Variants in CENPK observed in about 807,000 individuals in gnomAD.
CENPK encodes centromere protein K, also known as SoxLZ/Sox6-binding protein Solt.
A neutral mutation model predicts 40.9 loss-of-function variants in CENPK; 46 were observed. That is an observed-to-expected ratio of 1.13 (90% CI 0.89 to 1.44). The LOEUF (loss-of-function observed/expected upper bound fraction) is 1.44, where lower values mean the gene tolerates loss of function less well. Among genes scored for constraint, CENPK ranks in the 40% most tolerant of loss-of-function variants. The probability of loss-of-function intolerance (pLI) is 0.00; values close to 1 mark genes in which losing one functional copy is unlikely to be tolerated. For synonymous variants in CENPK, 107 were observed against 104.4 expected, an observed-to-expected ratio of 1.02 and a Z score of -0.15; for missense variants, 288 against 303.5, an observed-to-expected ratio of 0.95 and a Z score of 0.38.
At chr5:65,531,223 T>TATTAAATA (rs1409532001) in intron 6 of CENPK, among the ~76,000 whole-genome samples, 1 of 151,862 alleles carries the variant, frequency 6.6e-6, no homozygotes, top group African/African-American at 2.4e-5. Context: ...ATATTGATTA[T>TATTAAATA]ATTAAATATG....
At chr5:65,545,535 T>A (rs1325296590) in intron 5 of CENPK, among the ~76,000 whole-genome samples, 1 of 151,952 alleles carries the variant, frequency 6.6e-6, no homozygotes, top group East Asian at 1.9e-4. Context: ...GAAAGAGAAA[T>A]CAAGAAATTC....
chr5:65,551,106 C>T lies in CENPK; in HGVS notation c.241+458G>A, dbSNP rs190566865. The T allele has an allele frequency of 2.0e-5, 7 of 341,610 alleles. No individual in the cohort carries two copies. In the East Asian group the frequency reaches 7.0e-4, roughly 34 times the overall value. 21.2% of individuals were successfully genotyped at this position (341,610 alleles called of 1,614,324 possible). A position where few individuals can be genotyped will look rare whatever the true frequency, so the allele number is the denominator to read the frequency against. On this transcript the variant is annotated intron_variant, in intron 5 of 10. Coordinates refer to ENST00000396679, the MANE Select transcript of CENPK (RefSeq NM_022145.5). Reference sequence around the variant, plus strand: ...AAAAATACAAAAACCAACCACTAACCAAGCATGGTGGCACACACTTGTAGT... The same window carrying T: ...AAAAATACAAAAACCAACCACTAACTAAGCATGGTGGCACACACTTGTAGT...
intron 9 of CENPK, among the ~76,000 whole-genome samples, chr5:65,525,324 C>A (rs1744495848): frequency 6.6e-6 from 1 of 151,724 alleles, no homozygotes; most frequent in Non-Finnish European, 1.5e-5. Context: ...GAAATCTCAG[C>A]TACTGTACTC....
the CENPK span, among the ~76,000 whole-genome samples, chr5:65,500,446 T>C: frequency 2.7e-5 from 4 of 146,978 alleles, no homozygotes; most frequent in Admixed American, 2.8e-4. Flanking sequence ...TTCATGTGTT[T>C]TTTGGCTGCA....
chr5:65,503,654 T>C, the CENPK span, among the ~76,000 whole-genome samples: 26 of 152,056 alleles, frequency 1.7e-4, no homozygotes, highest in African/African-American at 6.0e-4. Flanking sequence ...TTTGTCTACT[T>C]GCTAAACTTT....
chr5:65,502,786 A>C, the CENPK span, among the ~76,000 whole-genome samples: 2 of 151,206 alleles, frequency 1.3e-5, no homozygotes, highest in African/African-American at 2.4e-5. Context: ...AACCAATATA[A>C]ATTTTTAAAT....
chr5:65,523,837 G>C (rs528171766), intron 9 of CENPK, among the ~76,000 whole-genome samples: 51 of 152,176 alleles, frequency 3.4e-4, no homozygotes, highest in African/African-American at 1.2e-3. Flanking sequence ...GATATAGTCA[G>C]AAGCAACAAG....
chr5:65,552,343 C>A (rs1379174275), intron 4 of CENPK, 150 bp downstream of exon 4: 1 of 446,570 alleles, frequency 2.2e-6, no homozygotes, highest in East Asian at 3.5e-5. Context: ...ATTCTTAAAG[C>A]AGGAAGAGTA....
chr5:65,539,923 C>CT (rs1747652964), intron 6 of CENPK, among the ~76,000 whole-genome samples: 1 of 152,198 alleles, frequency 6.6e-6, no homozygotes, highest in Non-Finnish European at 1.5e-5. Flanking sequence ...TGAACACAGT[C>CT]TAAGTATAGG....
chr5:65,502,425 G>A, the CENPK span, among the ~76,000 whole-genome samples: 2 of 152,138 alleles, frequency 1.3e-5, no homozygotes, highest in Non-Finnish European at 2.9e-5. Context: ...CATATAATGT[G>A]CAAAGTTTTA....
At chr5:65,543,899 C>T (rs1164079685) in intron 5 of CENPK, among the ~76,000 whole-genome samples, 1 of 152,166 alleles carries the variant, frequency 6.6e-6, no homozygotes, top group Non-Finnish European at 1.5e-5. Flanking sequence ...AGAAATATTA[C>T]AAACTCTTCT....
At chr5:65,501,097 C>T in the CENPK span, among the ~76,000 whole-genome samples, 1 of 147,158 alleles carries the variant, frequency 6.8e-6, no homozygotes, top group Non-Finnish European at 1.5e-5. Flanking sequence ...CAATATGATT[C>T]TTCTTTATAT....
At chr5:65,507,971 G>T in the CENPK span, among the ~76,000 whole-genome samples, 2 of 152,146 alleles carry the variant, frequency 1.3e-5, no homozygotes, top group South Asian at 2.1e-4. Flanking sequence ...TTAGAATGAG[G>T]TTAATGCATT....
At chr5:65,535,399 A>T (rs1208360607) in intron 6 of CENPK, among the ~76,000 whole-genome samples, 3 of 152,192 alleles carry the variant, frequency 2.0e-5, no homozygotes, top group African/African-American at 7.2e-5. Context: ...ACTCTACTTG[A>T]TGAGCATTTT....
chr5:65,538,609 G>A (rs1747383927), intron 6 of CENPK, among the ~76,000 whole-genome samples: 1 of 151,842 alleles, frequency 6.6e-6, no homozygotes, highest in Admixed American at 6.6e-5. Flanking sequence ...TTCCTCGTAA[G>A]TTTTATTTTT....
At chr5:65,537,492 G>A (rs1488580500) in intron 6 of CENPK, among the ~76,000 whole-genome samples, 1 of 152,054 alleles carries the variant, frequency 6.6e-6, no homozygotes, top group Non-Finnish European at 1.5e-5. Context: ...TTTTAGTAGA[G>A]ACGGGGTTTC....
chr5:65,501,174 G>GTTTTTTTTTTTTT, the CENPK span, among the ~76,000 whole-genome samples: 1 of 61,674 alleles, frequency 1.6e-5, no homozygotes, highest in Non-Finnish European at 2.7e-5. Flanking sequence ...TGCTAAGTTT[G>GTTTTTTTTTTTTT]TTTTTTTTTT....
Position 65,518,203 on chromosome 5 carries a change from T to C in CENPK, c.*272A>G, listed in dbSNP as rs1743056190. 4.3e-6 allele frequency: 1 copy of C among 233,048 alleles called. No individual in the cohort carries two copies. Among genetic ancestry groups the C allele is most frequent in the Non-Finnish European group, 8.2e-6 (1 of 122,000 alleles). The allele number at this position is 233,048 out of a possible 1,614,324, so 14.4% of individuals were successfully genotyped here. ...AAATCAACAAAGAATCCAAAGAATA[T>C]TGCATGAGGTAAGGTACATTAAATG... On this transcript the variant is annotated 3_prime_UTR_variant, in exon 11 of 11. Coordinates refer to ENST00000396679, the MANE Select transcript of CENPK (RefSeq NM_022145.5).
intron 9 of CENPK, 32 bp from the exon 10 acceptor site, chr5:65,521,560 C>A (rs1743754403): frequency 2.9e-6 from 4 of 1,384,716 alleles, no homozygotes; most frequent in Non-Finnish European, 4.1e-6. Context: ...CAAACAATTA[C>A]CACTTCACTT....
Sources: gnomAD v4.1 joint callset for allele counts (sites outside exome capture counted in the v4.1 genomes callset) on GRCh38, gnomAD v4.1.1 for gene constraint, MANE v1.5 for transcripts, NCBI Gene and HGNC (gene_info 2026-07-23, HGNC 2026-07-21) for gene names.